The following TPCN2 variants were observed in gnomAD, a reference collection of about 807,000 sequenced individuals.
TPCN2 encodes two pore segment channel 2, also known as two pore channel protein 2.
A neutral mutation model predicts 111.4 loss-of-function variants in TPCN2; 92 were observed. The observed-to-expected ratio is 0.83, with a 90% CI of 0.70 to 0.98. The LOEUF is 0.98. Ranked by LOEUF, TPCN2 falls within the 50% of genes least tolerant of loss-of-function variation. The probability of loss-of-function intolerance (pLI) is 0.00; values close to 1 mark genes in which losing one functional copy is unlikely to be tolerated. For missense variants in TPCN2, 995 were observed against 980.1 expected, an observed-to-expected ratio of 1.02 and a Z score of -0.20; for synonymous variants, 405 against 414.5, an observed-to-expected ratio of 0.98 and a Z score of 0.28.
chr11:69,053,034 G>A (rs1277947405), intron 1 of TPCN2, among the ~76,000 whole-genome samples: 1 of 152,256 alleles, frequency 6.6e-6, no homozygotes, highest in African/African-American at 2.4e-5. Context: ...ATGCGGGTGG[G>A]TGGCCCAGGC....
intron 13 of TPCN2, among the ~76,000 whole-genome samples, chr11:69,074,080 A>G (rs988575587): frequency 5.9e-5 from 9 of 152,228 alleles, no homozygotes; most frequent in African/African-American, 2.2e-4. Context: ...TAAAGATACG[A>G]ATTTCGAGGG....
At chr11:69,064,028 G>T in intron 7 of TPCN2, 61 bp downstream of exon 7, 2 of 1,529,422 alleles carry the variant, frequency 1.3e-6, no homozygotes, top group South Asian at 2.3e-5. Context: ...CTAACAGAGG[G>T]GGCTGGGCTG....
rs143487572 is a variant in TPCN2, at chr11:69,055,346, T to C, written c.423T>C (p.Ser141=). Residue 141 remains serine, a synonymous_variant, in exon 4 of 25, where the codon TCT becomes TCC. Coordinates refer to ENST00000294309, the MANE Select transcript of TPCN2 (RefSeq NM_139075.4). ...TGCTGGTCTTTGCGGCCGACCTCTC[T>C]GTGAAGGTGAGGCGGGCGCCAGGCC... ...LCLLVFAADL[S]VKGYLFGWAH... is the part of the protein sequence containing the mutation. The C allele has an allele frequency of 1.9e-6, 3 of 1,607,480 alleles. No homozygotes were observed. The highest frequency in any genetic ancestry group is 2.2e-5 in the East Asian group (1 of 44,794).
chr11:69,077,561 A>G (rs1202698421), intron 13 of TPCN2, among the ~76,000 whole-genome samples: 1 of 152,254 alleles, frequency 6.6e-6, no homozygotes, highest in Non-Finnish European at 1.5e-5. Flanking sequence ...ACTGGAGAAT[A>G]GCCACTCTAT....
Position 69,062,948 on chromosome 11 carries a change from A to C in TPCN2, c.611A>C (p.Lys204Thr). Residue 204 changes from lysine to threonine, a missense_variant, in exon 6 of 25, where the codon AAG becomes ACG. Coordinates refer to ENST00000294309, the MANE Select transcript of TPCN2 (RefSeq NM_139075.4). Reference protein sequence around the residue: ...FLLQNSSMMKKTLKCIRWSLP... With the variant: ...FLLQNSSMMKTTLKCIRWSLP... ...CTGCAGAACTCCTCTATGATGAAGA[A>C]GACCTTGAAATGCATCCGCTGGTCG... The C allele has an allele frequency of 1.9e-6, 3 of 1,613,978 alleles. No individual in the cohort carries two copies. Among genetic ancestry groups the C allele is most frequent in the African/African-American group, 1.3e-5 (1 of 75,036 alleles).
At chr11:69,081,049 G>A (rs1855984768) in intron 17 of TPCN2, among the ~76,000 whole-genome samples, 1 of 152,030 alleles carries the variant, frequency 6.6e-6, no homozygotes, top group Non-Finnish European at 1.5e-5. Flanking sequence ...AGTTCTGCTG[G>A]GGCCTGAGCT....
At chr11:69,079,284 A>AAGG in intron 16 of TPCN2, 2 of 507,300 alleles carry the variant, frequency 3.9e-6, no homozygotes, top group Non-Finnish European at 6.9e-6. Flanking sequence ...GGAAGCCCTG[A>AAGG]AGGACTTGTA....
At chr11:69,064,880 T>G (rs1333132066) in intron 7 of TPCN2, among the ~76,000 whole-genome samples, 1 of 150,926 alleles carries the variant, frequency 6.6e-6, no homozygotes, top group Non-Finnish European at 1.5e-5. Context: ...TCTGTGTGCG[T>G]GTTTGTATGT....
At chr11:69,081,039 A>G (rs1017722190) in intron 17 of TPCN2, among the ~76,000 whole-genome samples, 39 of 152,158 alleles carry the variant, frequency 2.6e-4, no homozygotes, top group African/African-American at 9.2e-4. Flanking sequence ...GGGCTCACGC[A>G]GTTCTGCTGG....
At position 69,072,040 on chromosome 11, in the gene TPCN2, GA is replaced by G; in HGVS notation, c.1061+18del. On this transcript the variant is annotated intron_variant, in intron 11 of 24. Coordinates refer to ENST00000294309, the MANE Select transcript of TPCN2 (RefSeq NM_139075.4). Reference sequence around the variant, plus strand: ...CCCTCAGGCGTGAGTGCTGGGCATGGACCCTCTTCTCCCTGAGGGTGGGTGC... The same window carrying G: ...CCCTCAGGCGTGAGTGCTGGGCATGGCCCTCTTCTCCCTGAGGGTGGGTGC... 6.2e-7 allele frequency: 1 copy of G among 1,601,150 alleles called. No homozygotes were observed. The highest frequency in any genetic ancestry group is 8.5e-7 in the Non-Finnish European group (1 of 1,169,766).
At chr11:69,061,209 T>C (rs1467749891) in intron 5 of TPCN2, among the ~76,000 whole-genome samples, 7 of 152,148 alleles carry the variant, frequency 4.6e-5, no homozygotes, top group Non-Finnish European at 1.0e-4. Context: ...CCGGCAGCCC[T>C]GGCAGAGGTG....
At chr11:69,087,402 C>T (rs1210688060) in intron 24 of TPCN2, among the ~76,000 whole-genome samples, 196 bp downstream of exon 24, 2 of 152,184 alleles carry the variant, frequency 1.3e-5, no homozygotes, top group African/African-American at 2.4e-5. Context: ...CTGCCACTGG[C>T]GTCATAGCCT....
rs560823927 is a variant in TPCN2 at position 69,062,422 on chromosome 11, G to A, written c.547-462G>A. Among the ~76,000 whole-genome samples the A allele has an allele frequency of 4.6e-5, 7 of 152,120 alleles. No individual in the cohort carries two copies. The East Asian group carries it at 1.4e-3, about 29-fold the overall frequency. ...GGTGGGGCTCCTGGAGGCAGGGTCTGTGTCTGGGAGGGGAAGGCTTGGAGA... is the reference window on the plus strand; with the variant it reads ...GGTGGGGCTCCTGGAGGCAGGGTCTATGTCTGGGAGGGGAAGGCTTGGAGA... On this transcript the variant is annotated intron_variant, in intron 5 of 24. Transcript: ENST00000294309.
rs564476965 is a variant in TPCN2 at position 69,054,782 on chromosome 11, C to T, written c.236C>T (p.Ser79Leu). Residue 79 changes from serine to leucine, a missense_variant, in exon 3 of 25, where the codon TCG becomes TTG. Coordinates refer to ENST00000294309, the MANE Select transcript of TPCN2 (RefSeq NM_139075.4). ...SSMWLYRRYY[S>L]NVCQRTLSFT... ...ATGTGGCTTTACCGACGGTATTACTCGAACGTATGCCAACGGTGAGAACGC... is the reference window on the plus strand; with the variant it reads ...ATGTGGCTTTACCGACGGTATTACTTGAACGTATGCCAACGGTGAGAACGC... The T allele has an allele frequency of 1.3e-5, 21 of 1,614,120 alleles. No homozygotes were observed. Among genetic ancestry groups the T allele is most frequent in the Middle Eastern group, 1.6e-4 (1 of 6,062 alleles).
At chr11:69,052,379 C>G (rs1009502507) in intron 1 of TPCN2, among the ~76,000 whole-genome samples, 1 of 152,148 alleles carries the variant, frequency 6.6e-6, no homozygotes, top group African/African-American at 2.4e-5. Context: ...GTGTGCTTGA[C>G]TTCTGGGCTC....
chr11:69,087,219 G>A lies in TPCN2; in HGVS notation c.2180+13G>A. The A allele has an allele frequency of 1.2e-6, 2 of 1,612,270 alleles. No homozygotes were observed. The highest frequency in any genetic ancestry group is 1.7e-6 in the Non-Finnish European group (2 of 1,178,682). Reference sequence around the variant, plus strand: ...AGCTCCTGTTCAGGTGTGTGGGTGGGGAAGGCGCTTCTGTCTGGCCCCCTG... The same window carrying A: ...AGCTCCTGTTCAGGTGTGTGGGTGGAGAAGGCGCTTCTGTCTGGCCCCCTG... On this transcript the variant is annotated intron_variant, in intron 24 of 24. Coordinates refer to ENST00000294309, the MANE Select transcript of TPCN2 (RefSeq NM_139075.4).
At chr11:69,076,930 CCCCTCCACCTGCCCTCCTGCTGTGT>C (rs1855794086) in intron 13 of TPCN2, among the ~76,000 whole-genome samples, 2 of 72,420 alleles carry the variant, frequency 2.8e-5, no homozygotes, top group African/African-American at 6.5e-5. Context: ...TCCTGCCATG[CCCCTCCACCTGCCCTCCTGCTGTGT>C]CCCTCCACCT....
At chr11:69,064,670 A>G (rs1855183987) in intron 7 of TPCN2, among the ~76,000 whole-genome samples, 1 of 152,214 alleles carries the variant, frequency 6.6e-6, no homozygotes, top group African/African-American at 2.4e-5. Flanking sequence ...GGGAGTGGAC[A>G]GTGCTCAGCC....
In TPCN2 at chr11:69,076,273, A is replaced by C. The variant is rs191474150; in HGVS notation, c.1231-2209A>C. On this transcript the variant is annotated intron_variant, in intron 13 of 24. Coordinates refer to ENST00000294309, the MANE Select transcript of TPCN2 (RefSeq NM_139075.4). ...GTTGGTTTGTGGTCACTGGGTAAGC[A>C]GGAGGCGACCCTCCTGGGTGCAGCA... Among the ~76,000 whole-genome samples the C allele has an allele frequency of 4.4e-3, 667 of 152,274 alleles. 4 individuals are homozygous for C. The highest frequency in any genetic ancestry group is 9.7e-3 in the Admixed American group (149 of 15,298).
Sources: allele counts gnomAD v4.1 joint callset (sites outside exome capture counted in the v4.1 genomes callset), GRCh38; gene constraint gnomAD v4.1.1; transcripts MANE v1.5; gene names NCBI Gene and HGNC (gene_info 2026-07-23, HGNC 2026-07-21).